The following PDE1C variants were observed in gnomAD, a reference collection of about 807,000 sequenced individuals.
PDE1C encodes dual specificity calcium/calmodulin-dependent 3',5'-cyclic nucleotide phosphodiesterase 1C.
In PDE1C, 62 loss-of-function variants were observed where a neutral mutation model predicts 93.1. That is an observed-to-expected ratio of 0.67 (90% CI 0.54 to 0.82). The LOEUF (loss-of-function observed/expected upper bound fraction) is 0.82, where lower values mean the gene tolerates loss of function less well. PDE1C is among the 40% of genes least tolerant of loss of function. The probability of loss-of-function intolerance (pLI) is 0.00; values close to 1 mark genes in which losing one functional copy is unlikely to be tolerated. For synonymous variants in PDE1C, 325 were observed against 310.1 expected (o/e 1.05, Z -0.50); for missense variants, 742 against 884.6 (o/e 0.84, Z 2.04).
intron 1 of PDE1C, among the ~76,000 whole-genome samples, chr7:32,318,584 G>A (rs970404656): frequency 6.6e-6 from 1 of 152,160 alleles, no homozygotes; most frequent in Admixed American, 6.5e-5. Context: ...ACCTGCGAGC[G>A]GGGAGTTTTC....
At chr7:31,926,557 T>C (rs1803406451) in intron 2 of PDE1C, among the ~76,000 whole-genome samples, 1 of 152,044 alleles carries the variant, frequency 6.6e-6, no homozygotes, top group African/African-American at 2.4e-5. Flanking sequence ...AGGCAGAAGG[T>C]GGGTGATTCC....
At chr7:32,000,548 C>T (rs1785324735) in intron 2 of PDE1C, among the ~76,000 whole-genome samples, 1 of 152,184 alleles carries the variant, frequency 6.6e-6, no homozygotes, top group Non-Finnish European at 1.5e-5. Flanking sequence ...TTATCTGTTT[C>T]TGCTTCACTC....
chr7:31,820,277 G>T (rs116926521), intron 14 of PDE1C, among the ~76,000 whole-genome samples: 2,026 of 151,744 alleles, frequency 0.013, 14 homozygotes, highest in South Asian at 0.031. Flanking sequence ...TGTCTAGAGA[G>T]GTAATTAGTA....
At chr7:31,747,873 T>C (rs1390300031), downstream of PDE1C, among the ~76,000 whole-genome samples, 1 of 87,678 alleles carries the variant, frequency 1.1e-5, no homozygotes, top group Non-Finnish European at 2.6e-5. Context: ...AAAAAAAAAA[T>C]CAGTCTTGGG....
intron 1 of PDE1C, among the ~76,000 whole-genome samples, chr7:32,265,450 T>C (rs1201484305): frequency 6.6e-6 from 1 of 152,180 alleles, no homozygotes; most frequent in Admixed American, 6.5e-5. Flanking sequence ...AAAATGTTCT[T>C]TCTCTTTTAA....
At chr7:31,812,572 T>A (rs1050017806) in intron 15 of PDE1C, among the ~76,000 whole-genome samples, 4 of 152,104 alleles carry the variant, frequency 2.6e-5, no homozygotes, top group African/African-American at 9.7e-5. Context: ...ACATATGATA[T>A]TATGTAGAAT....
At chr7:32,047,062 A>T (rs200206378) in intron 2 of PDE1C, among the ~76,000 whole-genome samples, 3 of 145,866 alleles carry the variant, frequency 2.1e-5, no homozygotes, top group Non-Finnish European at 3.0e-5. Flanking sequence ...TGCGAGACAG[A>T]GTGTGTGTGT....
intron 1 of PDE1C, among the ~76,000 whole-genome samples, chr7:32,389,785 A>G (rs964996502): frequency 6.6e-6 from 1 of 152,228 alleles, no homozygotes; most frequent in African/African-American, 2.4e-5. Flanking sequence ...CTTCAAGACT[A>G]TCTCAAAAAA....
chr7:31,889,565 T>C (rs766346685), intron 2 of PDE1C, among the ~76,000 whole-genome samples: 1 of 152,192 alleles, frequency 6.6e-6, no homozygotes, highest in Non-Finnish European at 1.5e-5. Context: ...TTGGTTTTCG[T>C]GAAGCTATGC....
intron 1 of PDE1C, among the ~76,000 whole-genome samples, chr7:32,311,865 C>T (rs569650599): frequency 2.6e-5 from 4 of 152,180 alleles, no homozygotes; most frequent in African/African-American, 7.2e-5. Flanking sequence ...TGCCCTCTCT[C>T]GCCACTCCTA....
chr7:32,119,159 T>C (rs533882925), intron 3 of PDE1C, among the ~76,000 whole-genome samples: 1 of 152,300 alleles, frequency 6.6e-6, no homozygotes, highest in East Asian at 1.9e-4. Context: ...ACATCCTCTA[T>C]TTATGCTCAA....
chr7:32,238,257 C>A (rs763052228), intron 1 of PDE1C, among the ~76,000 whole-genome samples: 1 of 152,074 alleles, frequency 6.6e-6, no homozygotes, highest in Non-Finnish European at 1.5e-5. Flanking sequence ...AATGGCAATA[C>A]GAATTTATAA....
chr7:32,421,174 G>A (rs1785425364), intron 1 of PDE1C, among the ~76,000 whole-genome samples: 1 of 152,094 alleles, frequency 6.6e-6, no homozygotes, highest in South Asian at 2.1e-4. Flanking sequence ...ACATAAATAT[G>A]TAGGACTGTG....
the PDE1C span, chr7:31,686,967 T>A: frequency 2.0e-5 from 3 of 152,092 alleles, no homozygotes; most frequent in South Asian, 2.1e-4. Flanking sequence ...AAAAAAAATC[T>A]ATCGCATGGG....
Position 31,889,955 on chromosome 7 carries a change from A to G in PDE1C, c.129-9095T>C, listed in dbSNP as rs557407126. On this transcript the variant is annotated intron_variant, in intron 2 of 17. Transcript: ENST00000396191. ...TATCCCCTGTTTTTATTGCCAATCA[A>G]CTCACACATTTTGTTAAAAGGACAT... 4.6e-5 allele frequency among the ~76,000 whole-genome samples: 7 copies of G among 152,192 alleles called. No homozygotes were observed. In the East Asian group the frequency reaches 1.4e-3, roughly 29 times the overall value.
chr7:32,398,520 C>G (rs763572452), intron 1 of PDE1C, among the ~76,000 whole-genome samples: 27 of 151,418 alleles, frequency 1.8e-4, no homozygotes, highest in Non-Finnish European at 5.9e-5. Context: ...TCCCAAGTAG[C>G]TGGGATTACA....
intron 2 of PDE1C, among the ~76,000 whole-genome samples, chr7:31,980,491 C>T (rs1408049789): frequency 4.6e-5 from 7 of 152,070 alleles, no homozygotes; most frequent in Non-Finnish European, 7.4e-5. Context: ...CTATTTTTTC[C>T]ACATTTCATA....
chr7:31,966,808 C>T (rs1454403035), intron 2 of PDE1C, among the ~76,000 whole-genome samples: 2 of 152,196 alleles, frequency 1.3e-5, no homozygotes, highest in African/African-American at 2.4e-5. Flanking sequence ...AAGAAACACA[C>T]TCAAAACCAC....
the PDE1C span, chr7:31,651,220 CT>C: frequency 3.1e-6 from 5 of 1,613,560 alleles, no homozygotes; most frequent in Non-Finnish European, 4.2e-6. Context: ...TGAACAGCAC[CT>C]TATGGGACAG....
Sources: gnomAD v4.1 joint callset for allele counts (sites outside exome capture counted in the v4.1 genomes callset) on GRCh38, gnomAD v4.1.1 for gene constraint, MANE v1.5 for transcripts, NCBI Gene and HGNC (gene_info 2026-07-23, HGNC 2026-07-21) for gene names.